Variants in CHD9 observed in about 807,000 individuals in gnomAD.
CHD9 encodes chromodomain helicase DNA binding protein 9.
In CHD9, 77 loss-of-function variants were observed where a neutral mutation model predicts 316.1. The ratio of observed to expected loss-of-function variants is 0.24; its 90% CI spans 0.20 to 0.29. The LOEUF (loss-of-function observed/expected upper bound fraction) is 0.29, where lower values mean the gene tolerates loss of function less well. CHD9 is among the 10% of genes least tolerant of loss of function. The pLI is 1.00. For synonymous variants in CHD9, 1,129 were observed against 1,158.3 expected (o/e 0.97, Z 0.51); for missense variants, 2,763 against 3,438.1 (o/e 0.80, Z 4.91).
intron 15 of CHD9, 146 bp from the exon 16 acceptor site, chr16:53,247,147 A>G: frequency 3.2e-6 from 2 of 624,534 alleles, no homozygotes; most frequent in Non-Finnish European, 5.6e-6. Context: ...CAACAAGCTT[A>G]AATAATTCTA....
chr16:53,189,911 A>G (rs1321782563), intron 2 of CHD9, among the ~76,000 whole-genome samples: 1 of 152,154 alleles, frequency 6.6e-6, no homozygotes, highest in Non-Finnish European at 1.5e-5. Context: ...TCATTTAAGT[A>G]CTTTTGTACT....
intron 1 of CHD9, 79 bp from the exon 2 acceptor site, chr16:53,155,847 A>G: frequency 2.2e-6 from 1 of 457,560 alleles, no homozygotes; most frequent in Non-Finnish European, 3.9e-6. Flanking sequence ...ACTTAGCATA[A>G]TGTTTTCAGA....
At position 53,286,215 on chromosome 16, in the gene CHD9, G is replaced by A. The variant is rs200927545; in HGVS notation, c.5072-11G>A. 13 of 1,469,414 alleles carry A rather than the reference G, an allele frequency of 8.8e-6. No individual in the cohort carries two copies. The East Asian group carries it at 2.7e-4, about 31-fold the overall frequency. 91.0% of individuals were successfully genotyped at this position (1,469,414 alleles called of 1,614,324 possible). The stretch of plus-strand genomic sequence containing the variant: ...TATCTTTTTTACTTTTGTAATTGGT[G>A]ATGTTTTCAGGATATGAAAAATATA... On this transcript the variant is annotated splice_polypyrimidine_tract_variant and intron_variant, in intron 25 of 38. Transcript: ENST00000447540.
At chr16:53,291,638 G>T (rs1041135424) in intron 27 of CHD9, 87 bp from the exon 28 acceptor site, 31 of 860,720 alleles carry the variant, frequency 3.6e-5, no homozygotes, top group Non-Finnish European at 5.2e-5. Flanking sequence ...AAAGCTCTCT[G>T]TTATAAAGAA....
At chr16:53,317,242 G>A (rs1371514479) in intron 36 of CHD9, among the ~76,000 whole-genome samples, 2 of 151,684 alleles carry the variant, frequency 1.3e-5, no homozygotes, top group Non-Finnish European at 2.9e-5. Context: ...ATATTCCAGA[G>A]TACGTGGAGG....
At chr16:53,160,625 G>T (rs183868459) in intron 2 of CHD9, among the ~76,000 whole-genome samples, 1 of 151,874 alleles carries the variant, frequency 6.6e-6, no homozygotes, top group Non-Finnish European at 1.5e-5. Context: ...GTCTATTCTC[G>T]GCCAGGCGCA....
intron 20 of CHD9, 37 bp from the exon 21 acceptor site, chr16:53,267,256 TA>T: frequency 7.0e-7 from 1 of 1,420,708 alleles, no homozygotes; most frequent in Non-Finnish European, 9.5e-7. Flanking sequence ...AGCAAAATCA[TA>T]AAAGTACCTT....
At chr16:53,323,120 AATTAAC>A (rs2057380236) in intron 38 of CHD9, among the ~76,000 whole-genome samples, 1 of 152,346 alleles carries the variant, frequency 6.6e-6, no homozygotes. Flanking sequence ...TTGAAATGTG[AATTAAC>A]ATTAAGTGTA....
intron 2 of CHD9, among the ~76,000 whole-genome samples, chr16:53,195,013 A>G (rs900603534): frequency 2.6e-5 from 4 of 152,238 alleles, no homozygotes; most frequent in Non-Finnish European, 5.9e-5. Context: ...GATTAATGAT[A>G]AGATTACAAA....
intron 22 of CHD9, 125 bp downstream of exon 22, chr16:53,268,251 A>T: frequency 2.9e-6 from 2 of 683,204 alleles, no homozygotes; most frequent in South Asian, 4.7e-5. Flanking sequence ...CTTCACTCCC[A>T]ATTCAAGTTC....
intron 20 of CHD9, among the ~76,000 whole-genome samples, chr16:53,266,149 G>T (rs555527026): frequency 6.6e-6 from 1 of 151,558 alleles, no homozygotes; most frequent in Non-Finnish European, 1.5e-5. Flanking sequence ...TCTAAAATTA[G>T]TGGGTAAAAG....
intron 1 of CHD9, among the ~76,000 whole-genome samples, chr16:53,092,723 T>C (rs1222255342): frequency 6.6e-6 from 1 of 152,210 alleles, no homozygotes; most frequent in Non-Finnish European, 1.5e-5. Flanking sequence ...TATTTCCTCA[T>C]TGGAAATTTA....
Position 53,318,205 on chromosome 16 carries a change from A to G in CHD9, c.7585-7A>G, listed in dbSNP as rs2057023539. On this transcript the variant is annotated splice_polypyrimidine_tract_variant and splice_region_variant and intron_variant, in intron 36 of 38. Coordinates refer to ENST00000447540, the MANE Select transcript of CHD9 (RefSeq NM_001308319.2). Reference sequence around the variant, plus strand: ...TTTAAAGATATGTCTTTATCTATATATTTTAGAGAATGCAGCTTCATGAGG... The same window carrying G: ...TTTAAAGATATGTCTTTATCTATATGTTTTAGAGAATGCAGCTTCATGAGG... 2 of 1,605,534 alleles carry G rather than the reference A, an allele frequency of 1.2e-6. No individual in the cohort carries two copies. Among genetic ancestry groups the G allele is most frequent in the Non-Finnish European group, 1.7e-6 (2 of 1,176,698 alleles).
At chr16:53,126,812 A>G (rs1304249957) in intron 1 of CHD9, among the ~76,000 whole-genome samples, 1 of 151,410 alleles carries the variant, frequency 6.6e-6, no homozygotes, top group East Asian at 1.9e-4. Flanking sequence ...CCGAGTAGCT[A>G]GGATTACAGG....
At chr16:53,227,343 T>C in intron 5 of CHD9, 53 bp from the exon 6 acceptor site, 1 of 1,229,932 alleles carries the variant, frequency 8.1e-7, no homozygotes, top group South Asian at 1.4e-5. Context: ...AAGTGGCAAC[T>C]AAAAGATCTT....
intron 3 of CHD9, among the ~76,000 whole-genome samples, chr16:53,218,818 C>T (rs898252627): frequency 2.6e-5 from 4 of 152,044 alleles, no homozygotes; most frequent in Non-Finnish European, 4.4e-5. Context: ...CTACACTCTC[C>T]GTGTGTTGTT....
chr16:53,136,006 C>T (rs910999724), intron 1 of CHD9, among the ~76,000 whole-genome samples: 6 of 152,036 alleles, frequency 3.9e-5, no homozygotes, highest in African/African-American at 1.4e-4. Flanking sequence ...GAGTAGCATT[C>T]TTTTCAGTTA....
At chr16:53,231,325 T>C (rs2048157141) in intron 8 of CHD9, 94 bp from the exon 9 acceptor site, 1 of 619,238 alleles carries the variant, frequency 1.6e-6, no homozygotes, top group African/African-American at 1.9e-5. Context: ...AAATCAAACT[T>C]ACAAGGTCTA....
intron 2 of CHD9, among the ~76,000 whole-genome samples, chr16:53,194,745 G>T (rs1310256529): frequency 6.6e-6 from 1 of 152,034 alleles, no homozygotes; most frequent in African/African-American, 2.4e-5. Flanking sequence ...CTTTCTTCCT[G>T]ATCCCGCCTT....
Sources: allele counts gnomAD v4.1 joint callset (sites outside exome capture counted in the v4.1 genomes callset), GRCh38; gene constraint gnomAD v4.1.1; transcripts MANE v1.5; gene names NCBI Gene and HGNC (gene_info 2026-07-23, HGNC 2026-07-21).